Variants in SPMIP7 observed in about 807,000 individuals in gnomAD.
SPMIP7 encodes the protein protein SPMIP7.
chr7:50,110,197 C>T, the SPMIP7 span, among the ~76,000 whole-genome samples: 1 of 151,142 alleles, frequency 6.6e-6, no homozygotes, highest in Non-Finnish European at 1.5e-5. Context: ...TTGAAAGCAA[C>T]AAAATACAGA....
At chr7:50,103,520 A>G in the SPMIP7 span, among the ~76,000 whole-genome samples, 3 of 152,118 alleles carry the variant, frequency 2.0e-5, no homozygotes, top group Admixed American at 1.3e-4. Context: ...CCATTTTACA[A>G]TCTGCTATAC....
At chr7:50,138,242 T>C in the SPMIP7 span, among the ~76,000 whole-genome samples, 2 of 152,206 alleles carry the variant, frequency 1.3e-5, no homozygotes, top group African/African-American at 4.8e-5. Context: ...AATGACAGGA[T>C]CTTACTAAAT....
chr7:50,155,807 A>G, the SPMIP7 span, among the ~76,000 whole-genome samples: 9 of 1,154 alleles, frequency 7.8e-3, no homozygotes, highest in Non-Finnish European at 0.012. Context: ...CACACATACT[A>G]CACACATGGC....
the SPMIP7 span, among the ~76,000 whole-genome samples, chr7:50,100,842 A>AATAAATAAATAAATAAATAAATAT: frequency 2.0e-5 from 3 of 148,402 alleles, no homozygotes; most frequent in Admixed American, 2.0e-4. Context: ...TAAATAAATA[A>AATAAATAAATAAATAAATAAATAT]ATATGAAAAT....
At chr7:50,123,938 A>T in the SPMIP7 span, among the ~76,000 whole-genome samples, 1 of 152,206 alleles carries the variant, frequency 6.6e-6, no homozygotes, top group Non-Finnish European at 1.5e-5. Flanking sequence ...ATTATAAGGC[A>T]GACATTGTCA....
At chr7:50,139,178 G>A in the SPMIP7 span, among the ~76,000 whole-genome samples, 2 of 151,746 alleles carry the variant, frequency 1.3e-5, no homozygotes, top group South Asian at 2.1e-4. Flanking sequence ...GTGAAACCCC[G>A]TCTCTACTAA....
chr7:50,134,722 A>G, the SPMIP7 span, among the ~76,000 whole-genome samples: 2 of 152,220 alleles, frequency 1.3e-5, no homozygotes, highest in African/African-American at 4.8e-5. Context: ...TGATAAAACA[A>G]AGCATACCAA....
At chr7:50,126,818 T>C in the SPMIP7 span, among the ~76,000 whole-genome samples, 2 of 151,894 alleles carry the variant, frequency 1.3e-5, no homozygotes, top group East Asian at 3.9e-4. Context: ...TAAAAATATA[T>C]AATGAACACG....
At chr7:50,098,118 C>T in the SPMIP7 span, among the ~76,000 whole-genome samples, 6 of 92,758 alleles carry the variant, frequency 6.5e-5, no homozygotes, top group African/African-American at 2.0e-4. Context: ...CTCATAAAGA[C>T]GGTCATTTCA....
At chr7:50,115,327 T>C in the SPMIP7 span, among the ~76,000 whole-genome samples, 1 of 152,102 alleles carries the variant, frequency 6.6e-6, no homozygotes, top group Admixed American at 6.6e-5. Flanking sequence ...CACAAACTTA[T>C]AGGACTGAAA....
the SPMIP7 span, chr7:50,159,012 T>C: frequency 1.3e-6 from 2 of 1,548,602 alleles, no homozygotes; most frequent in Non-Finnish European, 1.7e-6. Flanking sequence ...CTTTTATGTC[T>C]CATTTTCCTC....
the SPMIP7 span, among the ~76,000 whole-genome samples, chr7:50,128,412 C>A: frequency 6.6e-6 from 1 of 151,692 alleles, no homozygotes; most frequent in Non-Finnish European, 1.5e-5. Flanking sequence ...AGTGGGGTGA[C>A]TATAGTTAAC....
the SPMIP7 span, among the ~76,000 whole-genome samples, chr7:50,135,651 C>T: frequency 1.3e-5 from 2 of 152,188 alleles, no homozygotes; most frequent in Non-Finnish European, 2.9e-5. Context: ...TTTCATTACA[C>T]ATTCCTTGCC....
the SPMIP7 span, among the ~76,000 whole-genome samples, chr7:50,109,123 TAAGA>T: frequency 6.6e-6 from 1 of 152,164 alleles, no homozygotes; most frequent in African/African-American, 2.4e-5. Context: ...GCCTCCCCAT[TAAGA>T]TTGATTTATG....
At chr7:50,123,707 G>A in the SPMIP7 span, among the ~76,000 whole-genome samples, 9 of 151,956 alleles carry the variant, frequency 5.9e-5, no homozygotes, top group African/African-American at 2.2e-4. Context: ...TCACTAAAAC[G>A]CAATGTAAAG....
At chr7:50,147,299 G>A in the SPMIP7 span, among the ~76,000 whole-genome samples, 1 of 152,130 alleles carries the variant, frequency 6.6e-6, no homozygotes, top group Non-Finnish European at 1.5e-5. Context: ...TGGCTGGGCT[G>A]GGAGTAATGC....
At chr7:50,153,509 A>G in the SPMIP7 span, among the ~76,000 whole-genome samples, 2 of 152,252 alleles carry the variant, frequency 1.3e-5, no homozygotes, top group South Asian at 4.1e-4. Flanking sequence ...CCATCTCTCA[A>G]TGAGAAATAA....
chr7:50,096,272 G>A, the SPMIP7 span: 9 of 1,551,666 alleles, frequency 5.8e-6, no homozygotes, highest in Non-Finnish European at 7.8e-6. Flanking sequence ...ATGCAACCCT[G>A]CTTTTCTTAA....
chr7:50,115,921 A>G, the SPMIP7 span, among the ~76,000 whole-genome samples: 2 of 152,170 alleles, frequency 1.3e-5, no homozygotes, highest in Non-Finnish European at 2.9e-5. Flanking sequence ...ATCTCAAGCA[A>G]GTATGTCCTC....
Sources: gnomAD v4.1 joint callset for allele counts (sites outside exome capture counted in the v4.1 genomes callset) on GRCh38, gnomAD v4.1.1 for gene constraint, MANE v1.5 for transcripts, NCBI Gene and HGNC (gene_info 2026-07-23, HGNC 2026-07-21) for gene names.